Variants in PTPN12 observed in about 807,000 individuals in gnomAD.
The protein encoded by PTPN12 is protein tyrosine phosphatase non-receptor type 12.
In PTPN12, 29 loss-of-function variants were observed where a neutral mutation model predicts 97.6. That is an observed-to-expected ratio of 0.30 (90% confidence interval 0.22 to 0.41). The LOEUF is 0.41. Ranked by LOEUF, PTPN12 falls within the 10% of genes least tolerant of loss-of-function variation. The pLI is 1.00. For missense variants in PTPN12, 819 were observed against 926.0 expected, an observed-to-expected ratio of 0.88 and a Z score of 1.50; for synonymous variants, 327 against 300.4, an observed-to-expected ratio of 1.09 and a Z score of -0.91.
At chr7:77,570,201 GAAAA>G (rs1808415605) in intron 1 of PTPN12, among the ~76,000 whole-genome samples, 2 of 152,232 alleles carry the variant, frequency 1.3e-5, no homozygotes, top group South Asian at 4.1e-4. Context: ...GTTTTTCAAA[GAAAA>G]AGAAAGGTTT....
intron 1 of PTPN12, among the ~76,000 whole-genome samples, chr7:77,558,823 A>G (rs998936598): frequency 3.9e-5 from 6 of 152,226 alleles, no homozygotes; most frequent in African/African-American, 1.4e-4. Flanking sequence ...AGCTTGGGCC[A>G]CATAGTAAGA....
At chr7:77,567,814 G>C (rs893378704) in intron 1 of PTPN12, among the ~76,000 whole-genome samples, 3 of 152,164 alleles carry the variant, frequency 2.0e-5, no homozygotes, top group Non-Finnish European at 4.4e-5. Flanking sequence ...AATAATAATA[G>C]TTAACATTTA....
chr7:77,637,310 T>G (rs530377662), intron 16 of PTPN12, among the ~76,000 whole-genome samples: 2 of 152,194 alleles, frequency 1.3e-5, no homozygotes, highest in Admixed American at 1.3e-4. Context: ...TTTAAAAATA[T>G]TTTTCTGTTT....
chr7:77,560,482 C>G (rs554735566), intron 1 of PTPN12, among the ~76,000 whole-genome samples: 41 of 152,280 alleles, frequency 2.7e-4, no homozygotes, highest in Non-Finnish European at 4.3e-4. Context: ...TAACCAATCT[C>G]TAGAACTCTT....
rs1182666506 is a variant in PTPN12, at chr7:77,537,397, C to T, written c.-150C>T. 2 of 952,150 alleles carry T rather than the reference C, an allele frequency of 2.1e-6. No homozygotes were observed. The highest frequency in any genetic ancestry group is 2.6e-6 in the Non-Finnish European group (2 of 765,502). The allele number at this position is 952,150 out of a possible 1,614,324, so 59.0% of individuals were successfully genotyped here. A position where few individuals can be genotyped will look rare whatever the true frequency, so the allele number is the denominator to read the frequency against. On this transcript the variant is annotated 5_prime_UTR_variant, in exon 1 of 18. Coordinates refer to ENST00000248594, the MANE Select transcript of PTPN12 (RefSeq NM_002835.4). ...GTGCCGCCGCAGCCGCCGCCTAGGG[C>T]GGTGGGGAGGAGGAGGGAGCCGCGG...
chr7:77,635,405 A>G (rs1336628129), intron 14 of PTPN12, among the ~76,000 whole-genome samples: 2 of 152,180 alleles, frequency 1.3e-5, no homozygotes, highest in African/African-American at 2.4e-5. Context: ...ACAGAGTGAG[A>G]CCCTGTCTCA....
chr7:77,538,880 T>G (rs1335066769), intron 1 of PTPN12: 1 of 152,064 alleles, frequency 6.6e-6, no homozygotes, highest in Non-Finnish European at 1.5e-5. Context: ...AGTGGGACTT[T>G]GGGAAGTGGT....
chr7:77,540,875 A>G (rs1806937060), intron 1 of PTPN12, among the ~76,000 whole-genome samples: 1 of 152,190 alleles, frequency 6.6e-6, no homozygotes, highest in Non-Finnish European at 1.5e-5. Flanking sequence ...CTTAGAGATA[A>G]TGTAGCTGAT....
In PTPN12 at chr7:77,570,881, GAAAT is replaced by G. The variant is rs1419381373; in HGVS notation, c.100-191_100-188del. Among the ~76,000 whole-genome samples the G allele has an allele frequency of 1.3e-4, 20 of 152,126 alleles. 1 individual carries two copies. The highest frequency in any genetic ancestry group is 1.3e-3 in the Admixed American group (20 of 15,272). ...TGTTTTCCCTCTTTGCTGCTCATGTGAAATAAATATGAATCTTATGTTTGCACTT... is the reference window on the plus strand; with the variant it reads ...TGTTTTCCCTCTTTGCTGCTCATGTGAAATATGAATCTTATGTTTGCACTT... On this transcript the variant is annotated intron_variant, in intron 1 of 17. Coordinates refer to ENST00000248594, the MANE Select transcript of PTPN12 (RefSeq NM_002835.4).
At chr7:77,625,694 C>G (rs1789154274) in intron 12 of PTPN12, among the ~76,000 whole-genome samples, 1 of 149,948 alleles carries the variant, frequency 6.7e-6, no homozygotes, top group Non-Finnish European at 1.5e-5. Context: ...CTCAGCCTCC[C>G]AAGTATCTGG....
chr7:77,570,723 T>C (rs1787096078), intron 1 of PTPN12, among the ~76,000 whole-genome samples: 1 of 152,262 alleles, frequency 6.6e-6, no homozygotes, highest in Admixed American at 6.5e-5. Context: ...AAAATTCTTT[T>C]AGGCATGTTT....
In PTPN12 at chr7:77,604,808, T is replaced by C; in HGVS notation, c.696-2427T>C. 1.1e-5 allele frequency: 4 copies of C among 374,862 alleles called. No homozygotes were observed. The East Asian group carries it at 3.1e-4, about 29-fold the overall frequency. The allele number at this position is 374,862 out of a possible 1,614,324, so 23.2% of individuals were successfully genotyped here. On this transcript the variant is annotated intron_variant, in intron 8 of 17. Transcript: ENST00000248594. ...TGTTTATATCATATATATATATATA[T>C]TTTTATCCACCTGGATTTTTTATGG...
chr7:77,606,413 T>A (rs1788374751), intron 8 of PTPN12, among the ~76,000 whole-genome samples: 1 of 152,192 alleles, frequency 6.6e-6, no homozygotes, highest in South Asian at 2.1e-4. Flanking sequence ...GTTTTTCTTT[T>A]TGAGATGAAG....
intron 11 of PTPN12, among the ~76,000 whole-genome samples, chr7:77,615,302 C>G (rs1433477187): frequency 6.6e-6 from 1 of 151,338 alleles, no homozygotes; most frequent in Middle Eastern, 3.2e-3. Context: ...TTTAAAGCAC[C>G]CTGATTTATA....
intron 9 of PTPN12, among the ~76,000 whole-genome samples, chr7:77,610,466 T>C (rs1051129181): frequency 1.3e-5 from 2 of 152,204 alleles, no homozygotes; most frequent in African/African-American, 4.8e-5. Flanking sequence ...TAACCTTCTT[T>C]TGATATCCAA....
intron 1 of PTPN12, among the ~76,000 whole-genome samples, chr7:77,565,819 A>T: frequency 6.6e-6 from 1 of 152,232 alleles, no homozygotes; most frequent in East Asian, 1.9e-4. Context: ...AGTATTAAAA[A>T]TGTTTCTCTG....
chr7:77,564,684 T>G (rs941943138), intron 1 of PTPN12, among the ~76,000 whole-genome samples: 5 of 151,338 alleles, frequency 3.3e-5, no homozygotes, highest in African/African-American at 7.3e-5. Flanking sequence ...TATATGCATA[T>G]TTACTAAAAG....
At chr7:77,555,940 T>C (rs1377099912) in intron 1 of PTPN12, among the ~76,000 whole-genome samples, 1 of 152,154 alleles carries the variant, frequency 6.6e-6, no homozygotes, top group Non-Finnish European at 1.5e-5. Context: ...CTAGTGTTTC[T>C]TTTTGGTTAT....
intron 5 of PTPN12, among the ~76,000 whole-genome samples, chr7:77,588,195 C>T (rs1787753442): frequency 6.6e-6 from 1 of 152,182 alleles, no homozygotes; most frequent in Non-Finnish European, 1.5e-5. Flanking sequence ...TCTCAGTTTT[C>T]AACATGCCTT....
Sources: allele counts gnomAD v4.1 joint callset (sites outside exome capture counted in the v4.1 genomes callset), GRCh38; gene constraint gnomAD v4.1.1; transcripts MANE v1.5; gene names NCBI Gene and HGNC (gene_info 2026-07-23, HGNC 2026-07-21).